The following ZNF804B variants were observed in gnomAD, a reference collection of about 807,000 sequenced individuals.
ZNF804B encodes zinc finger 804B.
A neutral mutation model predicts 101.4 loss-of-function variants in ZNF804B; 80 were observed. The ratio of observed to expected loss-of-function variants is 0.79; its 90% CI spans 0.66 to 0.95. The LOEUF (loss-of-function observed/expected upper bound fraction) is 0.95. Ranked by LOEUF, ZNF804B falls within the 40% of genes least tolerant of loss-of-function variation. ZNF804B has a pLI of 0.00. For missense variants in ZNF804B, 1,673 were observed against 1,561.9 expected (o/e 1.07, Z -1.20); for synonymous variants, 622 against 558.8 (o/e 1.11, Z -1.59).
At chr7:89,151,709 A>C (rs950980535) in intron 1 of ZNF804B, among the ~76,000 whole-genome samples, 3 of 151,924 alleles carry the variant, frequency 2.0e-5, no homozygotes, top group Admixed American at 6.6e-5. Flanking sequence ...TGAAAAAAAA[A>C]AATAATTTTC....
At chr7:88,993,629 C>T (rs727366) in intron 1 of ZNF804B, among the ~76,000 whole-genome samples, 123,757 of 151,818 alleles carry the variant, frequency 0.82, 50,635 homozygotes, top group African/African-American at 0.87. Flanking sequence ...GCAGTGCTAA[C>T]GAACAAAGAA....
chr7:89,297,802 C>A (rs1790406740), intron 2 of ZNF804B, among the ~76,000 whole-genome samples: 1 of 150,604 alleles, frequency 6.6e-6, no homozygotes, highest in Non-Finnish European at 1.5e-5. Context: ...TTCATGTGCA[C>A]TTTTGAAGAG....
chr7:89,195,751 A>C (rs1428872261), intron 1 of ZNF804B, among the ~76,000 whole-genome samples: 1 of 151,884 alleles, frequency 6.6e-6, no homozygotes, highest in Non-Finnish European at 1.5e-5. Flanking sequence ...ATTTCTATAC[A>C]CCTACAGTAG....
intron 2 of ZNF804B, among the ~76,000 whole-genome samples, chr7:89,256,356 C>G (rs749028320): frequency 2.0e-5 from 3 of 152,070 alleles, no homozygotes; most frequent in Non-Finnish European, 4.4e-5. Flanking sequence ...GAATTGAAGA[C>G]CAGCCTGGGA....
intron 1 of ZNF804B, among the ~76,000 whole-genome samples, chr7:89,181,882 G>T (rs1050944985): frequency 3.3e-5 from 5 of 152,046 alleles, no homozygotes; most frequent in African/African-American, 1.2e-4. Flanking sequence ...AATTTATGTT[G>T]TAATAAAATA....
intron 3 of ZNF804B, among the ~76,000 whole-genome samples, chr7:89,331,521 A>G (rs1233503173): frequency 6.6e-6 from 1 of 151,776 alleles, no homozygotes; most frequent in Non-Finnish European, 1.5e-5. Flanking sequence ...TAAGGAAGAT[A>G]ATACAGCTTT....
At chr7:88,877,033 A>ATATATATATATAT in intron 1 of ZNF804B, among the ~76,000 whole-genome samples, 1 of 41,632 alleles carries the variant, frequency 2.4e-5, no homozygotes, top group African/African-American at 1.3e-4. Context: ...TATAATATAT[A>ATATATATATATAT]TATATATATA....
chr7:89,045,940 T>G (rs1341461517), intron 1 of ZNF804B, among the ~76,000 whole-genome samples: 1 of 152,120 alleles, frequency 6.6e-6, no homozygotes, highest in Non-Finnish European at 1.5e-5. Flanking sequence ...GGAGGTGGAA[T>G]GATATGGTTT....
chr7:89,017,227 A>G (rs571059238), intron 1 of ZNF804B, among the ~76,000 whole-genome samples: 19 of 152,204 alleles, frequency 1.2e-4, no homozygotes, highest in Non-Finnish European at 2.4e-4. Context: ...CAGCGTAAGG[A>G]GATTTTGGGC....
At chr7:89,094,541 C>A (rs746216534) in intron 1 of ZNF804B, among the ~76,000 whole-genome samples, 1 of 151,958 alleles carries the variant, frequency 6.6e-6, no homozygotes, top group Non-Finnish European at 1.5e-5. Flanking sequence ...GGTACACTCA[C>A]TTTTTTAAAA....
intron 1 of ZNF804B, among the ~76,000 whole-genome samples, chr7:89,203,273 C>G (rs910672715): frequency 3.3e-5 from 5 of 152,180 alleles, no homozygotes; most frequent in Non-Finnish European, 7.3e-5. Context: ...CTGACTCCAG[C>G]TCACAAGCAT....
Position 89,335,964 on chromosome 7 carries a change from C to G in ZNF804B, c.2982C>G (p.Asp994Glu), listed in dbSNP as rs767370896. The change falls in exon 4 of 4, where the codon GAC (aspartate) becomes GAG (glutamate). Residue 994 changes from aspartate to glutamate, a missense_variant. Physicochemically the swap from Asp to Glu is conservative, Grantham distance 45 (BLOSUM62 2). Transcript: ENST00000333190. ...CAAGTGAGAGCAGAAATGATCAAGA[C>G]AGTGCAATTCCAAGGACTACGGAGA... The part of the protein sequence containing the change: ...QYASESRNDQ[D>E]SAIPRTTEKD... The G allele has an allele frequency of 6.2e-7, 1 of 1,614,038 alleles. No homozygotes were observed. The highest frequency in any genetic ancestry group is 1.1e-5 in the South Asian group (1 of 91,088).
chr7:89,191,878 G>C (rs887552627), intron 1 of ZNF804B, among the ~76,000 whole-genome samples: 1 of 152,022 alleles, frequency 6.6e-6, no homozygotes, highest in African/African-American at 2.4e-5. Flanking sequence ...AGTTCATCCC[G>C]TAAGAATAGC....
intron 1 of ZNF804B, among the ~76,000 whole-genome samples, chr7:89,164,015 AT>A (rs749397939): frequency 6.0e-5 from 9 of 151,008 alleles, no homozygotes; most frequent in East Asian, 3.9e-4. Flanking sequence ...GTTTGAAAGG[AT>A]TTTTTTTTCT....
At chr7:88,986,590 T>G (rs2084069330) in intron 1 of ZNF804B, among the ~76,000 whole-genome samples, 1 of 152,134 alleles carries the variant, frequency 6.6e-6, no homozygotes, top group African/African-American at 2.4e-5. Context: ...TTGCCTTCTC[T>G]TGTAGTGGGC....
At chr7:89,070,609 C>T (rs981914378) in intron 1 of ZNF804B, among the ~76,000 whole-genome samples, 1 of 152,114 alleles carries the variant, frequency 6.6e-6, no homozygotes, top group African/African-American at 2.4e-5. Flanking sequence ...ATAATAGGAT[C>T]TATGTCCTTG....
Position 89,335,380 on chromosome 7 carries a change from AGATATT to A in ZNF804B, c.2400_2405del (p.Arg800_Cys802delinsSer). The A allele has an allele frequency of 6.2e-7, 1 of 1,613,806 alleles. No homozygotes were observed. The highest frequency in any genetic ancestry group is 2.2e-5 in the East Asian group (1 of 44,854). ...TAAAAATGAAAAATACTCAAAACGT[AGATATT>A]GTCACTGCAGAGAAAGACAAAAACT... On this transcript the variant is annotated inframe_deletion, in exon 4 of 4. Transcript: ENST00000333190.
In ZNF804B at chr7:88,959,337, T is replaced by C. The variant is rs76426171; in HGVS notation, c.108+199253T>C. On this transcript the variant is annotated intron_variant, in intron 1 of 3. Transcript: ENST00000333190. The stretch of plus-strand genomic sequence containing the variant: ...AGCTTAAGTATTAGTTAAATAAATA[T>C]GTGGGTCCAGATTGTTTGAGGGAAT... 9.0e-3 allele frequency among the ~76,000 whole-genome samples: 1,362 copies of C among 151,508 alleles called. 24 individuals are homozygous for C. The highest frequency in any genetic ancestry group is 0.031 in the African/African-American group (1,298 of 41,456).
At chr7:89,264,406 A>G (rs573008400) in intron 2 of ZNF804B, among the ~76,000 whole-genome samples, 2 of 152,314 alleles carry the variant, frequency 1.3e-5, no homozygotes, top group African/African-American at 4.8e-5. Flanking sequence ...CTTGAGGCTA[A>G]TATGCCACTG....
Sources: gnomAD v4.1 joint callset for allele counts (sites outside exome capture counted in the v4.1 genomes callset) on GRCh38, gnomAD v4.1.1 for gene constraint, MANE v1.5 for transcripts, NCBI Gene and HGNC (gene_info 2026-07-23, HGNC 2026-07-21) for gene names.